SUPT3H: variants seen among roughly 807,000 people sequenced by gnomAD.
The protein encoded by SUPT3H is transcription initiation protein SPT3 homolog.
In SUPT3H, 44 loss-of-function variants were observed where a neutral mutation model predicts 44.3. The observed-to-expected ratio is 0.99, with a 90% CI of 0.78 to 1.28. The LOEUF (loss-of-function observed/expected upper bound fraction) is 1.28. Among genes scored for constraint, SUPT3H ranks in the 50% most tolerant of loss-of-function variants. The pLI, the probability that SUPT3H is intolerant of heterozygous loss-of-function variation, is 0.00. For missense variants in SUPT3H, 380 were observed against 387.1 expected, an observed-to-expected ratio of 0.98 and a Z score of 0.15; for synonymous variants, 124 against 125.6, an observed-to-expected ratio of 0.99 and a Z score of 0.09.
chr6:44,879,601 T>C (rs546912060), intron 10 of SUPT3H, among the ~76,000 whole-genome samples: 4 of 149,136 alleles, frequency 2.7e-5, no homozygotes, highest in South Asian at 2.1e-4. Flanking sequence ...CCTCCTCAAG[T>C]GGGGCCCTGA....
chr6:45,318,348 T>A (rs1185261133), intron 2 of SUPT3H, among the ~76,000 whole-genome samples: 1 of 152,126 alleles, frequency 6.6e-6, no homozygotes, highest in African/African-American at 2.4e-5. Flanking sequence ...CAGGACATTA[T>A]ACATTTGGCA....
chr6:44,900,438 CTG>C (rs1764801919), intron 10 of SUPT3H, among the ~76,000 whole-genome samples: 1 of 152,232 alleles, frequency 6.6e-6, no homozygotes, highest in Non-Finnish European at 1.5e-5. Context: ...GCACAGTAGT[CTG>C]AGATCAAACC....
At chr6:45,016,537 A>C (rs1443280040) in intron 4 of SUPT3H, among the ~76,000 whole-genome samples, 34 of 116,950 alleles carry the variant, frequency 2.9e-4, no homozygotes, top group South Asian at 8.4e-4. Context: ...TGTTCCCCTT[A>C]CTGTGTCCAT....
intron 2 of SUPT3H, among the ~76,000 whole-genome samples, chr6:45,176,717 G>A (rs1811981086): frequency 6.6e-6 from 1 of 152,314 alleles, no homozygotes; most frequent in Middle Eastern, 3.4e-3. Flanking sequence ...CCAGCACCCA[G>A]CTGGAGATCT....
chr6:45,244,423 T>C (rs1324734212), intron 2 of SUPT3H, among the ~76,000 whole-genome samples: 3 of 152,206 alleles, frequency 2.0e-5, no homozygotes. Flanking sequence ...TCATTATTTT[T>C]CCCAAATAGC....
intron 3 of SUPT3H, among the ~76,000 whole-genome samples, chr6:45,080,076 T>C (rs887434674): frequency 6.6e-6 from 1 of 152,074 alleles, no homozygotes; most frequent in Non-Finnish European, 1.5e-5. Flanking sequence ...AACCAGAATA[T>C]ATAAGGAGCT....
intron 2 of SUPT3H, among the ~76,000 whole-genome samples, chr6:45,152,862 TAC>T (rs1252577506): frequency 6.6e-6 from 1 of 152,118 alleles, no homozygotes; most frequent in Non-Finnish European, 1.5e-5. Flanking sequence ...AAAATATATA[TAC>T]ATTTAAATAA....
chr6:45,281,197 C>T (rs182727681), intron 2 of SUPT3H, among the ~76,000 whole-genome samples: 148 of 152,310 alleles, frequency 9.7e-4, no homozygotes, highest in Middle Eastern at 3.4e-3. Flanking sequence ...TCTGCATTTC[C>T]AACTGAGGTA....
chr6:45,283,673 CCAA>C (rs1485074349), intron 2 of SUPT3H, among the ~76,000 whole-genome samples: 3 of 151,872 alleles, frequency 2.0e-5, no homozygotes, highest in Non-Finnish European at 2.9e-5. Flanking sequence ...ACTAGACAGA[CCAA>C]CGAGACAGAA....
chr6:44,988,487 G>T (rs1349108041), intron 6 of SUPT3H, among the ~76,000 whole-genome samples: 1 of 122,550 alleles, frequency 8.2e-6, no homozygotes. Flanking sequence ...AATTCAAAAG[G>T]GAAATTACAG....
intron 2 of SUPT3H, among the ~76,000 whole-genome samples, chr6:45,325,119 G>A (rs748273845): frequency 1.6e-4 from 24 of 151,632 alleles, no homozygotes; most frequent in African/African-American, 4.8e-4. Context: ...AACTTCCTTC[G>A]TAAAACCTCA....
At position 45,020,065 on chromosome 6, in the gene SUPT3H, G is replaced by T. The variant is rs182927739; in HGVS notation, c.273+481C>A. Among the ~76,000 whole-genome samples the T allele has an allele frequency of 2.6e-5, 4 of 151,950 alleles. No homozygotes were observed. In the East Asian group the frequency reaches 7.7e-4, roughly 29 times the overall value. The stretch of plus-strand genomic sequence containing the variant: ...TTCAAAAACAGAAATTATGGCATAT[G>T]TTTATCCCACTGAAAATTAATCTTT... On this transcript the variant is annotated intron_variant, in intron 4 of 10. Transcript: ENST00000371459.
At chr6:45,333,805 T>G (rs941291698) in intron 2 of SUPT3H, among the ~76,000 whole-genome samples, 23 of 151,278 alleles carry the variant, frequency 1.5e-4, no homozygotes, top group African/African-American at 5.3e-4. Flanking sequence ...TCTATATTCT[T>G]GTTAATACTC....
intron 2 of SUPT3H, among the ~76,000 whole-genome samples, chr6:45,247,685 T>C (rs908952179): frequency 7.3e-6 from 1 of 136,596 alleles, no homozygotes; most frequent in African/African-American, 2.6e-5. Flanking sequence ...CTGGATTCTT[T>C]TTCCATTTTT....
At chr6:45,007,297 C>T (rs994199598) in intron 5 of SUPT3H, among the ~76,000 whole-genome samples, 8 of 151,962 alleles carry the variant, frequency 5.3e-5, no homozygotes, top group Non-Finnish European at 1.2e-4. Flanking sequence ...ACTTTTTTTA[C>T]TCTGCAGTCT....
At chr6:45,127,535 T>G (rs1371603847) in intron 2 of SUPT3H, among the ~76,000 whole-genome samples, 1 of 152,088 alleles carries the variant, frequency 6.6e-6, no homozygotes, top group Non-Finnish European at 1.5e-5. Flanking sequence ...TATGGTAAAA[T>G]TACCTTTCAT....
At chr6:44,864,713 G>C (rs1775210950) in intron 10 of SUPT3H, among the ~76,000 whole-genome samples, 1 of 152,128 alleles carries the variant, frequency 6.6e-6, no homozygotes, top group Admixed American at 6.5e-5. Flanking sequence ...AAGTCCCTAG[G>C]CTGCACACAG....
At chr6:45,117,343 C>T (rs1265192654) in intron 2 of SUPT3H, among the ~76,000 whole-genome samples, 1 of 152,062 alleles carries the variant, frequency 6.6e-6, no homozygotes, top group African/African-American at 2.4e-5. Flanking sequence ...GCACAGATGA[C>T]ATCAAACATC....
chr6:45,256,432 T>A (rs1332904031), intron 2 of SUPT3H, among the ~76,000 whole-genome samples: 1 of 152,158 alleles, frequency 6.6e-6, no homozygotes, highest in Non-Finnish European at 1.5e-5. Flanking sequence ...GCCTCTTTTA[T>A]AAGGGTATTA....
Sources: gnomAD v4.1 joint callset for allele counts (sites outside exome capture counted in the v4.1 genomes callset) on GRCh38, gnomAD v4.1.1 for gene constraint, MANE v1.5 for transcripts, NCBI Gene and HGNC (gene_info 2026-07-23, HGNC 2026-07-21) for gene names.